Variants in AQP7B observed in about 807,000 individuals in gnomAD.
The protein encoded by AQP7B is aquaporin 7B, also known as putative aquaporin-7B.
At chr2:94,592,829 T>C in the AQP7B span, among the ~76,000 whole-genome samples, 1 of 136,222 alleles carries the variant, frequency 7.3e-6, no homozygotes, top group Non-Finnish European at 1.6e-5. Context: ...TTTTTTTTTT[T>C]TTTTTTTTTT....
chr2:94,587,678 C>T, the AQP7B span, among the ~76,000 whole-genome samples: 1 of 152,096 alleles, frequency 6.6e-6, no homozygotes, highest in Non-Finnish European at 1.5e-5. Flanking sequence ...GCAGAGATGG[C>T]AGGGATGCAC....
the AQP7B span, chr2:94,603,857 C>T: frequency 6.3e-6 from 9 of 1,419,814 alleles, no homozygotes; most frequent in East Asian, 6.9e-5. Flanking sequence ...ACAGGATATG[C>T]CATCAATCCA....
the AQP7B span, among the ~76,000 whole-genome samples, chr2:94,591,679 C>G: frequency 1.2e-4 from 19 of 152,346 alleles, no homozygotes; most frequent in East Asian, 3.3e-3. Context: ...ACCTCCACTC[C>G]TCCGTGGCCA....
the AQP7B span, chr2:94,604,045 G>C: frequency 1.4e-6 from 1 of 730,064 alleles, no homozygotes; most frequent in Non-Finnish European, 2.3e-6. Flanking sequence ...CCCCCAGGTG[G>C]CCTGGGGAGC....
At chr2:94,599,244 C>A in the AQP7B span, among the ~76,000 whole-genome samples, 1 of 152,186 alleles carries the variant, frequency 6.6e-6, no homozygotes. Context: ...TGACCTCACT[C>A]CCCCCGGCAC....
At chr2:94,599,521 C>T in the AQP7B span, among the ~76,000 whole-genome samples, 1 of 152,134 alleles carries the variant, frequency 6.6e-6, no homozygotes. Context: ...ATGTTCAGCT[C>T]ACCCTCTTGT....
the AQP7B span, among the ~76,000 whole-genome samples, chr2:94,593,100 G>A: frequency 6.6e-6 from 1 of 152,016 alleles, no homozygotes; most frequent in African/African-American, 2.4e-5. Flanking sequence ...GGGATTACAG[G>A]CGTGAGCCAC....
the AQP7B span, among the ~76,000 whole-genome samples, chr2:94,600,256 G>C: frequency 1.3e-5 from 2 of 151,878 alleles, no homozygotes; most frequent in African/African-American, 4.8e-5. Context: ...AATTCTTCAG[G>C]TTTTTTCCTT....
the AQP7B span, among the ~76,000 whole-genome samples, chr2:94,590,585 T>A: frequency 6.6e-6 from 1 of 151,996 alleles, no homozygotes; most frequent in Admixed American, 6.6e-5. Context: ...GATTAGATAA[T>A]TCAATGAGTT....
chr2:94,599,141 C>G, the AQP7B span, among the ~76,000 whole-genome samples: 1 of 152,116 alleles, frequency 6.6e-6, no homozygotes, highest in East Asian at 1.9e-4. Flanking sequence ...TATTGGAATG[C>G]GGGAAAGGCC....
At chr2:94,596,529 G>A in the AQP7B span, among the ~76,000 whole-genome samples, 2 of 152,178 alleles carry the variant, frequency 1.3e-5, no homozygotes, top group African/African-American at 4.8e-5. Context: ...GCCTGACCCT[G>A]CCACTGAGTG....
At chr2:94,599,866 C>CT in the AQP7B span, among the ~76,000 whole-genome samples, 644 of 143,728 alleles carry the variant, frequency 4.5e-3, 2 homozygotes, top group African/African-American at 0.012. Context: ...CCTTTCAACT[C>CT]TTTTTTTTTT....
chr2:94,603,251 C>A, the AQP7B span: 2 of 1,387,180 alleles, frequency 1.4e-6, no homozygotes, highest in South Asian at 1.3e-5. Context: ...ACCTCAGTGT[C>A]CTGATTTGTA....
chr2:94,595,441 G>GA, the AQP7B span, among the ~76,000 whole-genome samples: 25 of 149,022 alleles, frequency 1.7e-4, no homozygotes, highest in Non-Finnish European at 2.8e-4. Flanking sequence ...GTCTCAAAAA[G>GA]AAAAAAAAGA....
chr2:94,592,688 G>C, the AQP7B span, among the ~76,000 whole-genome samples: 1 of 151,842 alleles, frequency 6.6e-6, no homozygotes, highest in Admixed American at 6.6e-5. Context: ...GCACAGAGCA[G>C]GCAACAACCA....
the AQP7B span, chr2:94,603,290 A>G: frequency 2.1e-6 from 3 of 1,435,006 alleles, no homozygotes; most frequent in Admixed American, 2.0e-5. Context: ...AAAGCCTTGG[A>G]GCTCCCCCAC....
At chr2:94,590,222 G>A in the AQP7B span, among the ~76,000 whole-genome samples, 1 of 152,288 alleles carries the variant, frequency 6.6e-6, no homozygotes, top group East Asian at 1.9e-4. Context: ...TTGTTCTGTT[G>A]CCCATGCTGA....
At chr2:94,600,041 G>A in the AQP7B span, among the ~76,000 whole-genome samples, 1 of 151,874 alleles carries the variant, frequency 6.6e-6, no homozygotes, top group Non-Finnish European at 1.5e-5. Context: ...ACCACGCCTG[G>A]CTAATTTTTG....
At chr2:94,598,311 G>A in the AQP7B span, among the ~76,000 whole-genome samples, 1 of 152,178 alleles carries the variant, frequency 6.6e-6, no homozygotes, top group African/African-American at 2.4e-5. Flanking sequence ...ATTGCAGCCA[G>A]GACGAGGGAA....
Sources: gnomAD v4.1 joint callset for allele counts (sites outside exome capture counted in the v4.1 genomes callset) on GRCh38, gnomAD v4.1.1 for gene constraint, MANE v1.5 for transcripts, NCBI Gene and HGNC (gene_info 2026-07-23, HGNC 2026-07-21) for gene names.